CA10: variants seen among roughly 807,000 people sequenced by gnomAD.
The protein encoded by CA10 is carbonic anhydrase-related protein 10.
CA10 carries 14 observed loss-of-function variants against 44.2 expected under a neutral mutation model. That is an observed-to-expected ratio of 0.32 (90% CI 0.21 to 0.50). The LOEUF is 0.50. Among genes scored for constraint, CA10 ranks in the 20% least tolerant of loss-of-function variants. CA10 has a pLI of 0.99. For missense variants in CA10, 350 were observed against 409.7 expected, an observed-to-expected ratio of 0.85 and a Z score of 1.26; for synonymous variants, 159 against 141.6, an observed-to-expected ratio of 1.12 and a Z score of -0.87.
rs905777720 is a variant in CA10, at chr17:52,044,524, G to A, written c.136+27795C>T. The stretch of plus-strand genomic sequence containing the variant: ...TTGTCATGTTGCCCAGGCTGGTCTC[G>A]GACTCCTGAGCTCAAGCCCTCCACC... On this transcript the variant is annotated intron_variant, in intron 2 of 8. Transcript: ENST00000451037. 4.6e-5 allele frequency among the ~76,000 whole-genome samples: 7 copies of A among 151,762 alleles called. 1 individual carries two copies. The highest frequency in any genetic ancestry group is 3.9e-4 in the East Asian group (2 of 5,102).
Position 51,665,061 on chromosome 17 carries a change from C to A in CA10, c.466-11325G>T, listed in dbSNP as rs368008135. On this transcript the variant is annotated intron_variant, in intron 4 of 8. Coordinates refer to ENST00000451037, the MANE Select transcript of CA10 (RefSeq NM_020178.5). ...TCAGAAGAGTCACTTTAGGTGGCTA[C>A]TGTCCTAACTGATATATTCATGGAA... Among the ~76,000 whole-genome samples the A allele has an allele frequency of 7.7e-4, 118 of 152,286 alleles. 2 individuals are homozygous for A. The South Asian group carries it at 0.024, about 31-fold the overall frequency.
intron 3 of CA10, among the ~76,000 whole-genome samples, chr17:51,811,733 C>T (rs1286694477): frequency 6.6e-6 from 1 of 152,132 alleles, no homozygotes; most frequent in Non-Finnish European, 1.5e-5. Flanking sequence ...GTGAATAGTG[C>T]CGCAATAAAC....
intron 2 of CA10, among the ~76,000 whole-genome samples, chr17:51,966,209 C>T (rs1308445933): frequency 6.6e-6 from 1 of 151,648 alleles, no homozygotes; most frequent in Non-Finnish European, 1.5e-5. Context: ...AATGAAATCA[C>T]AGATGACACA....
At chr17:51,730,952 C>T (rs116390384) in intron 4 of CA10, among the ~76,000 whole-genome samples, 2,375 of 151,748 alleles carry the variant, frequency 0.016, 62 homozygotes, top group African/African-American at 0.055. Context: ...TGGAAAGGAC[C>T]GATACTAAAT....
rs532297254 is a variant in CA10 at position 51,976,202 on chromosome 17, C to T, written c.137-45070G>A. Among the ~76,000 whole-genome samples the T allele has an allele frequency of 2.4e-4, 37 of 152,206 alleles. No homozygotes were observed. The East Asian group carries it at 2.9e-3, about 12-fold the overall frequency. On this transcript the variant is annotated intron_variant, in intron 2 of 8. Coordinates refer to ENST00000451037, the MANE Select transcript of CA10 (RefSeq NM_020178.5). Reference sequence around the variant, plus strand: ...AGGGAGAATTAGATTTGTTCACAATCGTAGTTAAAAACAGTAACACCAGTC... The same window carrying T: ...AGGGAGAATTAGATTTGTTCACAATTGTAGTTAAAAACAGTAACACCAGTC...
intron 6 of CA10, among the ~76,000 whole-genome samples, chr17:51,641,269 G>C (rs2054037735): frequency 6.6e-6 from 1 of 151,910 alleles, no homozygotes; most frequent in African/African-American, 2.4e-5. Flanking sequence ...CTTAATTCAA[G>C]TCTGAGTTCT....
At chr17:51,748,801 T>C (rs773115001) in intron 3 of CA10, among the ~76,000 whole-genome samples, 2 of 152,238 alleles carry the variant, frequency 1.3e-5, no homozygotes, top group Non-Finnish European at 2.9e-5. Context: ...TCATTAGATG[T>C]GGTTTTCATA....
intron 4 of CA10, among the ~76,000 whole-genome samples, chr17:51,692,935 G>T (rs1915269053): frequency 6.6e-6 from 1 of 152,178 alleles, no homozygotes; most frequent in African/African-American, 2.4e-5. Context: ...GGTTTTGAAT[G>T]GTCTTGGCTG....
intron 3 of CA10, among the ~76,000 whole-genome samples, chr17:51,856,896 C>G (rs1237788019): frequency 2.0e-5 from 3 of 152,168 alleles, no homozygotes; most frequent in Non-Finnish European, 4.4e-5. Context: ...TTCTAAATGA[C>G]TGACATAACA....
At chr17:51,876,034 C>T (rs764004328) in intron 3 of CA10, among the ~76,000 whole-genome samples, 1 of 151,972 alleles carries the variant, frequency 6.6e-6, no homozygotes, top group Non-Finnish European at 1.5e-5. Context: ...GCATGGGGAC[C>T]ATGGTTTATC....
At chr17:51,816,637 C>T (rs540317535) in intron 3 of CA10, among the ~76,000 whole-genome samples, 4 of 152,306 alleles carry the variant, frequency 2.6e-5, no homozygotes, top group South Asian at 4.1e-4. Context: ...ATACTTATTA[C>T]ATCAACTATC....
At chr17:51,900,687 C>G (rs143317797) in intron 3 of CA10, among the ~76,000 whole-genome samples, 1 of 152,084 alleles carries the variant, frequency 6.6e-6, no homozygotes, top group Non-Finnish European at 1.5e-5. Context: ...TATTTCTTTA[C>G]GTAATTCTAT....
chr17:51,779,213 C>G (rs1366555250), intron 3 of CA10, among the ~76,000 whole-genome samples: 1 of 152,046 alleles, frequency 6.6e-6, no homozygotes, highest in Non-Finnish European at 1.5e-5. Context: ...GTGGAGGGGC[C>G]TGGTGTCTCG....
intron 3 of CA10, among the ~76,000 whole-genome samples, chr17:51,911,569 T>C (rs1309109782): frequency 1.3e-5 from 2 of 152,126 alleles, no homozygotes; most frequent in Non-Finnish European, 2.9e-5. Flanking sequence ...GACTGCTGGT[T>C]GGAATGATAC....
rs530691240 is a variant in CA10 at position 52,059,447 on chromosome 17, A to T, written c.136+12872T>A. On this transcript the variant is annotated intron_variant, in intron 2 of 8. Transcript: ENST00000451037. ...TCCAGAACCCGTTGCTGCATCTATT[A>T]TCCAAAGGAGGAAGACAATTGATAA... Among the ~76,000 whole-genome samples, 4 of 152,190 alleles carry T rather than the reference A, an allele frequency of 2.6e-5. No homozygotes were observed. In the South Asian group the frequency reaches 8.3e-4, roughly 32 times the overall value.
chr17:51,929,850 C>G (rs1982581338), intron 3 of CA10, among the ~76,000 whole-genome samples: 1 of 152,070 alleles, frequency 6.6e-6, no homozygotes, highest in Non-Finnish European at 1.5e-5. Flanking sequence ...CTATATATGA[C>G]CTTTCCACAA....
chr17:52,149,451 C>T (rs1426403792), intron 1 of CA10, among the ~76,000 whole-genome samples: 1 of 152,170 alleles, frequency 6.6e-6, no homozygotes, highest in Non-Finnish European at 1.5e-5. Flanking sequence ...ATCCCGTTAC[C>T]AGCCCAATCT....
chr17:51,847,587 A>C (rs570579242), intron 3 of CA10, among the ~76,000 whole-genome samples: 23 of 152,288 alleles, frequency 1.5e-4, no homozygotes, highest in African/African-American at 5.5e-4. Context: ...ATATCTTACA[A>C]TTGTGAGCAC....
chr17:51,755,540 A>G (rs1260456819), intron 3 of CA10, among the ~76,000 whole-genome samples: 1 of 152,228 alleles, frequency 6.6e-6, no homozygotes, highest in East Asian at 1.9e-4. Flanking sequence ...ATAGTAAAAA[A>G]TAATTCTCTA....
Sources: gnomAD v4.1 joint callset for allele counts (sites outside exome capture counted in the v4.1 genomes callset) on GRCh38, gnomAD v4.1.1 for gene constraint, MANE v1.5 for transcripts, NCBI Gene and HGNC (gene_info 2026-07-23, HGNC 2026-07-21) for gene names.